PREX1: variants seen among roughly 807,000 people sequenced by gnomAD.
PREX1 encodes the protein phosphatidylinositol 3,4,5-trisphosphate-dependent Rac exchanger 1 protein.
Under a neutral mutation model 198.3 loss-of-function variants are expected in PREX1, and 41 were observed. The observed-to-expected ratio is 0.21, with a 90% CI of 0.16 to 0.27. The LOEUF (loss-of-function observed/expected upper bound fraction) is 0.27. PREX1 is among the 10% of genes least tolerant of loss of function. The probability of loss-of-function intolerance (pLI) is 1.00; values close to 1 mark genes in which losing one functional copy is unlikely to be tolerated. For synonymous variants in PREX1, 843 were observed against 887.2 expected (o/e 0.95, Z 0.89); for missense variants, 1,620 against 2,200.7 (o/e 0.74, Z 5.28).
chr20:48,658,748 C>T (rs1043675311), intron 16 of PREX1, among the ~76,000 whole-genome samples: 1 of 152,086 alleles, frequency 6.6e-6, no homozygotes. Flanking sequence ...AGGGAGTGTA[C>T]GTAGTTGGAA....
At chr20:48,672,003 G>A (rs2089678473) in intron 14 of PREX1, among the ~76,000 whole-genome samples, 2 of 152,338 alleles carry the variant, frequency 1.3e-5, no homozygotes, top group South Asian at 2.1e-4. Flanking sequence ...TCAGGACAGA[G>A]TGACAGTGAC....
Position 48,708,399 on chromosome 20 carries a change from C to T in PREX1, c.644G>A (p.Gly215Asp). 2 of 1,614,080 alleles carry T rather than the reference C, an allele frequency of 1.2e-6. No homozygotes were observed. Among genetic ancestry groups the T allele is most frequent in the South Asian group, 1.1e-5 (1 of 91,080 alleles). The change falls in exon 6 of 40, where the codon GGC becomes GAC. Residue 215 changes from glycine to aspartate, a missense_variant. By Grantham distance (94) the Gly-to-Asp change is moderately conservative. Around this residue, in one of 7 missense-constraint regions of PREX1, gnomAD observed 488 missense variants for 802.5 expected, o/e 0.61. Transcript: ENST00000371941. ...LLKELAKRTP[G>D]KHPDHPAVQS... The stretch of plus-strand genomic sequence containing the variant: ...GACCGCGGGGTGGTCTGGGTGCTTG[C>T]CGGGAGTCCTCTTGGCCAGCTCCTG...
intron 15 of PREX1, among the ~76,000 whole-genome samples, chr20:48,661,656 CAACTT>C (rs1364180650): frequency 2.0e-5 from 3 of 150,584 alleles, no homozygotes; most frequent in African/African-American, 7.4e-5. Flanking sequence ...CTGTAACTTA[CAACTT>C]AACTGGGCAC....
intron 1 of PREX1, among the ~76,000 whole-genome samples, chr20:48,778,743 C>T (rs149841495): frequency 6.6e-6 from 1 of 152,318 alleles, no homozygotes; most frequent in Non-Finnish European, 1.5e-5. Context: ...GATGCAAAGG[C>T]AATTCCGTAG....
At chr20:48,775,837 G>A (rs1390692682) in intron 1 of PREX1, among the ~76,000 whole-genome samples, 1 of 152,132 alleles carries the variant, frequency 6.6e-6, no homozygotes, top group East Asian at 1.9e-4. Flanking sequence ...GGAACTGTAA[G>A]TCCATTAAAC....
At chr20:48,645,499 G>A (rs1236363711) in intron 26 of PREX1, among the ~76,000 whole-genome samples, 1 of 152,174 alleles carries the variant, frequency 6.6e-6, no homozygotes, top group Non-Finnish European at 1.5e-5. Context: ...AACATAAATA[G>A]TGCTTGTTTC....
At chr20:48,704,532 C>T (rs1449277055) in intron 6 of PREX1, among the ~76,000 whole-genome samples, 1 of 150,912 alleles carries the variant, frequency 6.6e-6, no homozygotes, top group Non-Finnish European at 1.5e-5. Context: ...CCTTCCTTTC[C>T]TTCCTTCCTT....
At chr20:48,767,281 G>T (rs928304366) in intron 1 of PREX1, among the ~76,000 whole-genome samples, 1 of 152,194 alleles carries the variant, frequency 6.6e-6, no homozygotes, top group Non-Finnish European at 1.5e-5. Context: ...CAGGGATTCT[G>T]CAAGGGAGTC....
intron 15 of PREX1, among the ~76,000 whole-genome samples, chr20:48,662,826 C>G (rs1011350489): frequency 1.2e-4 from 18 of 152,204 alleles, no homozygotes; most frequent in African/African-American, 3.9e-4. Context: ...ATTTCTCTCC[C>G]TGAGAGCCCT....
the PREX1 span, among the ~76,000 whole-genome samples, chr20:48,851,926 C>G: frequency 6.6e-6 from 1 of 152,130 alleles, no homozygotes; most frequent in Admixed American, 6.5e-5. Flanking sequence ...AAGACCTCAC[C>G]AGGCAGTATG....
intron 8 of PREX1, 49 bp downstream of exon 8, chr20:48,692,623 A>C (rs2089825142): frequency 1.4e-6 from 2 of 1,406,292 alleles, no homozygotes; most frequent in African/African-American, 2.8e-5. Context: ...AGTGCCAGGG[A>C]GCAGGCAGGG....
chr20:48,650,966 G>C lies in PREX1; in HGVS notation c.2745C>G (p.Pro915=). The C allele has an allele frequency of 1.2e-6, 2 of 1,614,216 alleles. No homozygotes were observed. The highest frequency in any genetic ancestry group is 1.6e-4 in the Middle Eastern group (1 of 6,062). ...MALSSAIVTM[P]HFEFRNICDT... is the part of the protein sequence containing the mutation. ...CACAGATGTTGCGGAACTCAAAGTG[G>C]GGCATGGTCACGATGGCGCTGCTCA... is the stretch of plus-strand genomic sequence containing the variant. The change falls in exon 23 of 40, where the codon CCC becomes CCG. Residue 915 remains proline, a synonymous_variant. Coordinates refer to ENST00000371941, the MANE Select transcript of PREX1 (RefSeq NM_020820.4).
the PREX1 span, among the ~76,000 whole-genome samples, chr20:48,876,553 G>A: frequency 3.3e-5 from 5 of 151,970 alleles, no homozygotes; most frequent in African/African-American, 4.8e-5. Flanking sequence ...GTGTGATCTC[G>A]CCTGGGAGGC....
chr20:48,764,987 A>C (rs2090202104), intron 1 of PREX1, among the ~76,000 whole-genome samples: 1 of 152,032 alleles, frequency 6.6e-6, no homozygotes, highest in Non-Finnish European at 1.5e-5. Context: ...CCCTGCTGGC[A>C]CCTTGATTTC....
Position 48,653,412 on chromosome 20 carries a change from A to G in PREX1, c.2295T>C (p.Pro765=), listed in dbSNP as rs778138751. Reference sequence around the variant, plus strand: ...ATGCCTGGAAGTGCTCCAGGACCTCAGGGGCACCATCGTTCATCACGTTGC... The same window carrying G: ...ATGCCTGGAAGTGCTCCAGGACCTCGGGGGCACCATCGTTCATCACGTTGC... ...NGSNVMNDGA[P]EVLEHFQAFR... is the part of the protein sequence containing the mutation. Residue 765 remains proline (P), a synonymous_variant, in exon 20 of 40, where the codon CCT becomes CCC. Coordinates refer to ENST00000371941, the MANE Select transcript of PREX1 (RefSeq NM_020820.4). 6.2e-7 allele frequency: 1 copy of G among 1,613,996 alleles called. No individual in the cohort carries two copies. Among genetic ancestry groups the G allele is most frequent in the Non-Finnish European group, 8.5e-7 (1 of 1,180,004 alleles).
intron 5 of PREX1, among the ~76,000 whole-genome samples, chr20:48,716,304 C>T (rs2089962266): frequency 6.6e-6 from 1 of 152,224 alleles, no homozygotes; most frequent in Admixed American, 6.5e-5. Flanking sequence ...CTCCCTCTCG[C>T]CCCTGCAATC....
Position 48,827,827 on chromosome 20 carries a change from C to A in PREX1, c.34G>T (p.Asp12Tyr). ...GGGTGGGCGCAGTCCCCGGCCCCGT[C>A]GCCGCCGGGCTCGCTGCCGCTGGGC... ...EAPSGSEPGGDGAGDCAHPDP... is the reference protein window; with the variant it reads ...EAPSGSEPGGYGAGDCAHPDP... Residue 12 changes from aspartate (D) to tyrosine (Y), a missense_variant, in exon 1 of 40, where the codon GAC (aspartate) becomes TAC (tyrosine). Physicochemically the swap from Asp to Tyr is radical, Grantham distance 160 (BLOSUM62 -3). Transcript: ENST00000371941. The surrounding 1 kb of genome is among the most constrained non-coding windows in gnomAD (Gnocchi z 4.1). 1 of 996,182 alleles carries A rather than the reference C, an allele frequency of 1.0e-6. No individual in the cohort carries two copies. The highest frequency in any genetic ancestry group is 1.2e-6 in the Non-Finnish European group (1 of 837,720). The allele number at this position is 996,182 out of a possible 1,614,324, so 61.7% of individuals were successfully genotyped here.
intron 4 of PREX1, 106 bp from the exon 5 acceptor site, chr20:48,726,497 G>A: frequency 1.2e-6 from 1 of 805,008 alleles, no homozygotes; most frequent in Non-Finnish European, 2.1e-6. Flanking sequence ...CAATCACTTG[G>A]CAAGCGATTT....
chr20:48,841,773 A>T, the PREX1 span, among the ~76,000 whole-genome samples: 1 of 152,192 alleles, frequency 6.6e-6, no homozygotes, highest in African/African-American at 2.4e-5. Context: ...CAGCTGTTGC[A>T]TGAAGACTAC....
Sources: gnomAD v4.1 joint callset for allele counts (sites outside exome capture counted in the v4.1 genomes callset) on GRCh38, gnomAD v4.1.1 for gene constraint, gnomAD v4.1.1 regional missense constraint, Gnocchi (gnomAD v3.1) non-coding constraint, MANE v1.5 for transcripts, NCBI Gene and HGNC (gene_info 2026-07-23, HGNC 2026-07-21) for gene names.